DEF8: variants seen among roughly 807,000 people sequenced by gnomAD.
DEF8 encodes DEF-8.
In DEF8, 38 loss-of-function variants were observed where a neutral mutation model predicts 59.1. The ratio of observed to expected loss-of-function variants is 0.64; its 90% CI spans 0.50 to 0.84. DEF8 has a LOEUF of 0.84. Among genes scored for constraint, DEF8 ranks in the 40% least tolerant of loss-of-function variants. The probability of loss-of-function intolerance (pLI) is 0.00; values close to 1 mark genes in which losing one functional copy is unlikely to be tolerated. For missense variants in DEF8, 557 were observed against 615.2 expected (o/e 0.91, Z 1.00); for synonymous variants, 265 against 250.1 (o/e 1.06, Z -0.56).
chr16:89,957,366 C>T (rs566835264), intron 4 of DEF8, 145 bp from the exon 5 acceptor site: 1 of 869,576 alleles, frequency 1.1e-6, no homozygotes, highest in Non-Finnish European at 1.7e-6. Flanking sequence ...TGCCCTGGAG[C>T]AAGTCCTCGG....
chr16:89,965,288 C>A (rs568312656), intron 12 of DEF8, among the ~76,000 whole-genome samples: 55 of 152,328 alleles, frequency 3.6e-4, no homozygotes, highest in South Asian at 1.9e-3. Context: ...CACTCCCCCC[C>A]AGTTTCTGTC....
chr16:89,967,012 C>G lies in DEF8; in HGVS notation c.*1049C>G. The G allele has an allele frequency of 3.0e-6, 1 of 335,446 alleles. No individual in the cohort carries two copies. 20.8% of individuals were successfully genotyped at this position (335,446 alleles called of 1,614,324 possible). A position where few individuals can be genotyped will look rare whatever the true frequency, so the allele number is the denominator to read the frequency against. On this transcript the variant is annotated 3_prime_UTR_variant, in exon 13 of 13. Transcript: ENST00000563594. ...GGCGTGTGGGAGGTCCCTCACTCCA[C>G]GGGACAGAGGCCCCTGGGCAGCAGA...
At chr16:89,950,362 T>C in intron 2 of DEF8, 1 of 983,258 alleles carries the variant, frequency 1.0e-6, no homozygotes, top group Non-Finnish European at 1.2e-6. Context: ...GGCAAGACAA[T>C]GGAGAACCAG....
chr16:89,955,934 G>A (rs915152746), intron 4 of DEF8, among the ~76,000 whole-genome samples: 6 of 151,924 alleles, frequency 3.9e-5, no homozygotes, highest in Non-Finnish European at 8.8e-5. Context: ...TCAGCCGGGC[G>A]TGGTGGCACA....
In DEF8 at chr16:89,963,440, G is replaced by T. The variant is rs1254225396; in HGVS notation, c.999G>T (p.Leu333=). 4.3e-6 allele frequency: 7 copies of T among 1,613,012 alleles called. No homozygotes were observed. The African/African-American group carries it at 6.7e-5, about 15-fold the overall frequency. The change falls in exon 10 of 13, where the codon CTG becomes CTT. Residue 333 remains leucine, a synonymous_variant. Coordinates refer to ENST00000563594, the MANE Select transcript of DEF8 (RefSeq NM_001242818.2). ...AGGCCATGGAGGCTCGTCTGCTGCT[G>T]CAGGTCAGACTGCCAGCAGGACTGG... ...CREAMEARLL[L]QLQDRQHFVE... is the part of the protein sequence containing the mutation.
chr16:89,963,275 C>CA, intron 9 of DEF8, 88 bp from the exon 10 acceptor site: 2 of 1,149,346 alleles, frequency 1.7e-6, no homozygotes, highest in Non-Finnish European at 2.5e-6. Context: ...CCCCTCCTGG[C>CA]CCTGCCGTGG....
chr16:89,952,413 A>G (rs1003584018), intron 2 of DEF8: 1 of 152,764 alleles, frequency 6.5e-6, no homozygotes, highest in Admixed American at 6.5e-5. Flanking sequence ...GCACTTGGGT[A>G]TGTCAGTGAA....
chr16:89,959,271 C>A (rs948526171), intron 6 of DEF8, 116 bp downstream of exon 6: 5 of 1,545,340 alleles, frequency 3.2e-6, no homozygotes, highest in Non-Finnish European at 4.4e-6. Flanking sequence ...CAAACATGGC[C>A]AGTCAAAGTT....
At chr16:89,952,004 A>C (rs2032217551) in intron 2 of DEF8, among the ~76,000 whole-genome samples, 1 of 151,816 alleles carries the variant, frequency 6.6e-6, no homozygotes, top group Non-Finnish European at 1.5e-5. Context: ...CAGCCTCCCG[A>C]GTAGCTGGGG....
At chr16:89,957,874 C>G in intron 5 of DEF8, 1 of 487,026 alleles carries the variant, frequency 2.1e-6, no homozygotes, top group Non-Finnish European at 3.6e-6. Flanking sequence ...CCTCCTGTTG[C>G]AAGGAACAGA....
chr16:89,949,273 C>A, intron 1 of DEF8, 144 bp from the exon 2 acceptor site: 1 of 691,668 alleles, frequency 1.4e-6, no homozygotes, highest in Non-Finnish European at 2.3e-6. Context: ...TGCCCCCGCC[C>A]TGGGCTGCTC....
At chr16:89,961,350 G>A (rs887179120) in intron 7 of DEF8, among the ~76,000 whole-genome samples, 1 of 152,188 alleles carries the variant, frequency 6.6e-6, no homozygotes, top group Non-Finnish European at 1.5e-5. Flanking sequence ...CCTGGCCTCC[G>A]CCTCCCCGTG....
Position 89,966,285 on chromosome 16 carries a change from C to G in DEF8, c.*322C>G. 4.4e-6 allele frequency: 1 copy of G among 228,838 alleles called. No individual in the cohort carries two copies. Among genetic ancestry groups the G allele is most frequent in the Non-Finnish European group, 8.9e-6 (1 of 112,916 alleles). 14.2% of individuals were successfully genotyped at this position (228,838 alleles called of 1,614,324 possible). ...CCCCCATGGCACAGAGCCCTCCACACCCCTGGACCAGGGCATCCGGGCCCT... is the reference window on the plus strand; with the variant it reads ...CCCCCATGGCACAGAGCCCTCCACAGCCCTGGACCAGGGCATCCGGGCCCT... On this transcript the variant is annotated 3_prime_UTR_variant, in exon 13 of 13. Transcript: ENST00000563594.
chr16:89,965,730 T>A (rs1567811087), intron 12 of DEF8, 131 bp from the exon 13 acceptor site: 2 of 607,346 alleles, frequency 3.3e-6, no homozygotes, highest in South Asian at 1.9e-5. Flanking sequence ...CACTTGCATC[T>A]GGCTGCAGAC....
chr16:89,957,715 G>A, intron 5 of DEF8, 55 bp downstream of exon 5: 2 of 1,468,776 alleles, frequency 1.4e-6, no homozygotes, highest in Non-Finnish European at 1.8e-6. Context: ...CCAGAACTGT[G>A]GAACTAGGAG....
At chr16:89,949,699 G>T (rs367691162) in intron 2 of DEF8, 186 bp downstream of exon 2, 7 of 1,490,136 alleles carry the variant, frequency 4.7e-6, no homozygotes, top group Non-Finnish European at 6.4e-6. Context: ...CCGGAACCCC[G>T]CCGGCTTTCT....
intron 12 of DEF8, among the ~76,000 whole-genome samples, chr16:89,965,383 G>C (rs573407535): frequency 6.6e-6 from 1 of 152,354 alleles, no homozygotes; most frequent in South Asian, 2.1e-4. Flanking sequence ...ACACAGATGG[G>C]ACTGTGGCAG....
chr16:89,962,380 C>G (rs2034138378), intron 9 of DEF8, among the ~76,000 whole-genome samples: 1 of 152,336 alleles, frequency 6.6e-6, no homozygotes, highest in African/African-American at 2.4e-5. Context: ...GTAAAAAGAG[C>G]TGGGCACGGT....
rs2034661803 is a variant in DEF8 at position 89,967,456 on chromosome 16, G to T, written c.*1493G>T. 1 of 398,662 alleles carries T rather than the reference G, an allele frequency of 2.5e-6. No homozygotes were observed. The highest frequency in any genetic ancestry group is 4.4e-6 in the Non-Finnish European group (1 of 226,082). 24.7% of individuals were successfully genotyped at this position (398,662 alleles called of 1,614,324 possible). A position where few individuals can be genotyped will look rare whatever the true frequency, so the allele number is the denominator to read the frequency against. On this transcript the variant is annotated 3_prime_UTR_variant, in exon 13 of 13. Coordinates refer to ENST00000563594, the MANE Select transcript of DEF8 (RefSeq NM_001242818.2). ...GGTGGCTTTAGGCAAGGTTCTTATTGTCTGCTCTGCCTCGGTTTCCCCATC... is the reference window on the plus strand; with the variant it reads ...GGTGGCTTTAGGCAAGGTTCTTATTTTCTGCTCTGCCTCGGTTTCCCCATC...
Sources: allele counts gnomAD v4.1 joint callset (sites outside exome capture counted in the v4.1 genomes callset), GRCh38; gene constraint gnomAD v4.1.1; transcripts MANE v1.5; gene names NCBI Gene and HGNC (gene_info 2026-07-23, HGNC 2026-07-21).